PXDNL: variants seen among roughly 807,000 people sequenced by gnomAD.
PXDNL encodes probable oxidoreductase PXDNL.
Under a neutral mutation model 150.8 loss-of-function variants are expected in PXDNL, and 145 were observed. That is an observed-to-expected ratio of 0.96 (90% CI 0.84 to 1.10). The LOEUF (loss-of-function observed/expected upper bound fraction) is 1.10. Ranked by LOEUF, PXDNL falls within the 50% of genes least tolerant of loss-of-function variation. The pLI is 0.00. For missense variants in PXDNL, 2,087 were observed against 1,873.9 expected (o/e 1.11, Z -2.10); for synonymous variants, 757 against 725.7 (o/e 1.04, Z -0.69).
intron 1 of PXDNL, among the ~76,000 whole-genome samples, chr8:51,724,794 C>T (rs1048859022): frequency 5.3e-5 from 8 of 152,118 alleles, no homozygotes; most frequent in Admixed American, 2.0e-4. Context: ...CTAAGGATCC[C>T]CTGCCCTGTC....
chr8:51,348,224 C>G (rs578097000), intron 19 of PXDNL, among the ~76,000 whole-genome samples: 29 of 152,312 alleles, frequency 1.9e-4, no homozygotes, highest in African/African-American at 7.0e-4. Context: ...CAGATAAACT[C>G]TCATCATCTA....
chr8:51,807,291 C>T (rs964789989), intron 1 of PXDNL, among the ~76,000 whole-genome samples: 4 of 152,014 alleles, frequency 2.6e-5, no homozygotes, highest in Non-Finnish European at 5.9e-5. Flanking sequence ...CTTCACATGG[C>T]CAGAGCAAGA....
At chr8:51,346,711 C>T (rs560244919) in intron 19 of PXDNL, among the ~76,000 whole-genome samples, 1 of 152,170 alleles carries the variant, frequency 6.6e-6, no homozygotes, top group African/African-American at 2.4e-5. Flanking sequence ...TGGGACCTCC[C>T]GTACTCTCTT....
intron 8 of PXDNL, among the ~76,000 whole-genome samples, chr8:51,464,977 C>T (rs1810172319): frequency 6.6e-6 from 1 of 152,114 alleles, no homozygotes; most frequent in African/African-American, 2.4e-5. Context: ...ACCTGACATA[C>T]AAAGAAGAGC....
chr8:51,578,669 T>TG, intron 3 of PXDNL, among the ~76,000 whole-genome samples: 1 of 151,938 alleles, frequency 6.6e-6, no homozygotes, highest in South Asian at 2.1e-4. Context: ...CTAAAAATTT[T>TG]GAAAAAAAAT....
intron 2 of PXDNL, among the ~76,000 whole-genome samples, chr8:51,625,923 C>T (rs1254249561): frequency 6.6e-6 from 1 of 152,186 alleles, no homozygotes; most frequent in Non-Finnish European, 1.5e-5. Context: ...CTTCGACTAT[C>T]TTACAGTCTT....
intron 3 of PXDNL, among the ~76,000 whole-genome samples, chr8:51,588,932 C>T (rs1203305648): frequency 2.6e-5 from 4 of 152,094 alleles, no homozygotes; most frequent in African/African-American, 9.7e-5. Context: ...AATATTCCAT[C>T]CAAAATTCAC....
intron 2 of PXDNL, among the ~76,000 whole-genome samples, chr8:51,644,353 C>CATATGTATATAT (rs1585644331): frequency 4.0e-5 from 2 of 50,158 alleles, no homozygotes; most frequent in African/African-American, 8.6e-5. Flanking sequence ...CACACACACA[C>CATATGTATATAT]ACACACACAC....
intron 12 of PXDNL, among the ~76,000 whole-genome samples, chr8:51,429,441 C>T (rs1020874246): frequency 2.6e-5 from 4 of 152,092 alleles, no homozygotes; most frequent in Non-Finnish European, 4.4e-5. Flanking sequence ...ATTAGCCAGG[C>T]GTGGAGGTGT....
intron 19 of PXDNL, among the ~76,000 whole-genome samples, chr8:51,361,036 C>T (rs1055642030): frequency 6.6e-6 from 1 of 152,194 alleles, no homozygotes; most frequent in Non-Finnish European, 1.5e-5. Context: ...TGCCCAGAAG[C>T]AACATGTGAC....
rs1284999734 is a variant in PXDNL, at chr8:51,745,524, A to G, written c.164+63657T>C. Among the ~76,000 whole-genome samples the G allele has an allele frequency of 9.2e-5, 14 of 152,348 alleles. 1 individual carries two copies. In the Middle Eastern group the frequency reaches 0.017, roughly 185 times the overall value. ...AGCTAATTAAAAGAAAGTATGAACT[A>G]AAGCAGCAGATTTATTCATTTTCAG... is the stretch of plus-strand genomic sequence containing the variant. On this transcript the variant is annotated intron_variant, in intron 1 of 22. Coordinates refer to ENST00000356297, the MANE Select transcript of PXDNL (RefSeq NM_144651.5).
intron 3 of PXDNL, among the ~76,000 whole-genome samples, chr8:51,558,786 G>C (rs1554552638): frequency 6.6e-6 from 1 of 152,052 alleles, no homozygotes; most frequent in Non-Finnish European, 1.5e-5. Flanking sequence ...ATGAATTCCA[G>C]ATATGTTACT....
intron 19 of PXDNL, among the ~76,000 whole-genome samples, chr8:51,346,450 T>A (rs1423471172): frequency 6.6e-6 from 1 of 152,252 alleles, no homozygotes; most frequent in Non-Finnish European, 1.5e-5. Flanking sequence ...AAGTTTTATG[T>A]TATGTGTTTT....
intron 3 of PXDNL, among the ~76,000 whole-genome samples, chr8:51,579,767 T>C (rs1282539202): frequency 1.3e-5 from 2 of 152,072 alleles, no homozygotes; most frequent in African/African-American, 4.8e-5. Context: ...GGTATATTGA[T>C]ATCATGGAAT....
At chr8:51,678,324 T>C (rs1029687720) in intron 1 of PXDNL, among the ~76,000 whole-genome samples, 3 of 152,186 alleles carry the variant, frequency 2.0e-5, no homozygotes, top group Non-Finnish European at 4.4e-5. Flanking sequence ...GCTTGTCATG[T>C]TGTAATGGGT....
rs866923362 is a variant in PXDNL at position 51,534,779 on chromosome 8, C to A, written c.380+22061G>T. On this transcript the variant is annotated intron_variant, in intron 4 of 22. Transcript: ENST00000356297. The stretch of plus-strand genomic sequence containing the variant: ...CAGCCCCCCGCCCGGCCAGCCGCCC[C>A]GTCCGGGAGGGAGGTGGGGGGGTCA... Among the ~76,000 whole-genome samples, 9 of 116,488 alleles carry A rather than the reference C, an allele frequency of 7.7e-5. No homozygotes were observed. The East Asian group carries it at 8.4e-4, about 11-fold the overall frequency. 76.4% of individuals were successfully genotyped at this position (116,488 alleles called of 152,430 possible).
intron 1 of PXDNL, among the ~76,000 whole-genome samples, chr8:51,807,522 C>T (rs10958298): frequency 0.69 from 104,452 of 152,028 alleles, 42,363 homozygotes; most frequent in Non-Finnish European, 0.9. Flanking sequence ...ACACTGTTAG[C>T]ATCTCCATTT....
chr8:51,549,993 G>C (rs1339813848), intron 4 of PXDNL, among the ~76,000 whole-genome samples: 2 of 151,980 alleles, frequency 1.3e-5, no homozygotes, highest in Non-Finnish European at 2.9e-5. Context: ...GAAATGAAAT[G>C]GGTGATATTA....
At chr8:51,545,099 G>GA (rs1473767495) in intron 4 of PXDNL, among the ~76,000 whole-genome samples, 9 of 152,022 alleles carry the variant, frequency 5.9e-5, no homozygotes, top group African/African-American at 2.2e-4. Flanking sequence ...AAAATAGAAA[G>GA]AAAAAATGTC....
Sources: gnomAD v4.1 joint callset for allele counts (sites outside exome capture counted in the v4.1 genomes callset) on GRCh38, gnomAD v4.1.1 for gene constraint, MANE v1.5 for transcripts, NCBI Gene and HGNC (gene_info 2026-07-23, HGNC 2026-07-21) for gene names.